Variants in MYZAP observed in about 807,000 individuals in gnomAD.
MYZAP encodes the protein myocardial zonula adherens protein.
MYZAP carries 66 observed loss-of-function variants against 69.4 expected under a neutral mutation model. That is an observed-to-expected ratio of 0.95 (90% CI 0.78 to 1.17). The LOEUF (loss-of-function observed/expected upper bound fraction) is 1.17, where lower values mean the gene tolerates loss of function less well. Among genes scored for constraint, MYZAP ranks in the 50% most tolerant of loss-of-function variants. MYZAP has a pLI of 0.00. For synonymous variants in MYZAP, 256 were observed against 205.9 expected, an observed-to-expected ratio of 1.24 and a Z score of -2.09; for missense variants, 611 against 556.2, an observed-to-expected ratio of 1.10 and a Z score of -0.99.
chr15:57,592,094 G>A lies in MYZAP; in HGVS notation c.60G>A (p.Gly20=). The change falls in exon 1 of 13, where the codon GGG becomes GGA. Residue 20 remains glycine, a synonymous_variant. Transcript: ENST00000267853. ...CGGGCGGCGCCGCCAGGACGCCCGG[G>A]GCGCCCAGCAGGAGGGTGAGTAGCG... is the stretch of plus-strand genomic sequence containing the variant. ...LLSGGAARTP[G]APSRRANVCR... The A allele has an allele frequency of 7.3e-7, 1 of 1,370,796 alleles. No homozygotes were observed. The highest frequency in any genetic ancestry group is 9.4e-7 in the Non-Finnish European group (1 of 1,066,850). The allele number at this position is 1,370,796 out of a possible 1,614,324, so 84.9% of individuals were successfully genotyped here. A position where few individuals can be genotyped will look rare whatever the true frequency, so the allele number is the denominator to read the frequency against.
At chr15:57,613,198 C>T (rs2035220975) in intron 2 of MYZAP, among the ~76,000 whole-genome samples, 1 of 152,180 alleles carries the variant, frequency 6.6e-6, no homozygotes, top group Non-Finnish European at 1.5e-5. Context: ...TCCCAAAGTG[C>T]TGGGATTACA....
intron 10 of MYZAP, chr15:57,647,712 T>A (rs2037513731): frequency 1.0e-6 from 1 of 985,398 alleles, no homozygotes; most frequent in African/African-American, 1.7e-5. Flanking sequence ...GCCTCCTAAG[T>A]GGATGCCCTC....
At chr15:57,617,889 G>A (rs1666600034) in intron 2 of MYZAP, 144 bp from the exon 3 acceptor site, 1 of 1,159,608 alleles carries the variant, frequency 8.6e-7, no homozygotes, top group Non-Finnish European at 1.2e-6. Context: ...AGACTAGATG[G>A]GATTTTTGCT....
chr15:57,600,586 A>G (rs2034346715), intron 1 of MYZAP, among the ~76,000 whole-genome samples: 1 of 152,096 alleles, frequency 6.6e-6, no homozygotes, highest in Non-Finnish European at 1.5e-5. Context: ...GAGTGATTGG[A>G]CCCATGGGAC....
chr15:57,617,551 C>G (rs78354284), intron 2 of MYZAP, among the ~76,000 whole-genome samples: 5,599 of 152,202 alleles, frequency 0.037, 155 homozygotes, highest in Non-Finnish European at 0.051. Flanking sequence ...AACACTACCC[C>G]CTTTTCTTAG....
intron 10 of MYZAP, among the ~76,000 whole-genome samples, chr15:57,657,380 C>G (rs1333193885): frequency 2.0e-5 from 3 of 152,114 alleles, no homozygotes; most frequent in African/African-American, 7.2e-5. Flanking sequence ...GGAACTATTT[C>G]TACAAAAATG....
chr15:57,592,010 G>A lies in MYZAP; in HGVS notation c.-25G>A, dbSNP rs12902754. The A allele has an allele frequency of 6.3e-6, 9 of 1,428,478 alleles. No individual in the cohort carries two copies. Among genetic ancestry groups the A allele is most frequent in the Non-Finnish European group, 8.2e-6 (9 of 1,094,696 alleles). 88.5% of individuals were successfully genotyped at this position (1,428,478 alleles called of 1,614,324 possible). ...TGCCCGGGAGGAACGCCGGCGTCCA[G>A]CCCGCTACCGACCGCCGCTGCGGGA... On this transcript the variant is annotated 5_prime_UTR_variant, in exon 1 of 13. Transcript: ENST00000267853.
At chr15:57,593,016 G>A (rs530732664) in intron 1 of MYZAP, among the ~76,000 whole-genome samples, 2 of 152,224 alleles carry the variant, frequency 1.3e-5, no homozygotes, top group African/African-American at 4.8e-5. Flanking sequence ...GTGCAGGCTT[G>A]GACCTGCTTA....
chr15:57,636,718 G>C (rs2036839037), intron 8 of MYZAP, among the ~76,000 whole-genome samples: 1 of 152,096 alleles, frequency 6.6e-6, no homozygotes, highest in Non-Finnish European at 1.5e-5. Flanking sequence ...ACATTTTTCA[G>C]CTTTGTCCAA....
rs368082220 is a variant in MYZAP at position 57,629,763 on chromosome 15, A to G, written c.587A>G (p.Gln196Arg). The part of the protein sequence containing the change: ...SNIKDQIRNL[Q>R]QTYEASMDKL... ...ATTAAGGATCAAATCAGAAATCTGC[A>G]GCAGACGTATGAAGCATCCATGGAC... Residue 196 changes from glutamine (Q) to arginine (R), a missense_variant, in exon 6 of 13, where the codon CAG (glutamine) becomes CGG (arginine). Transcript: ENST00000267853. 12 of 1,614,118 alleles carry G rather than the reference A, an allele frequency of 7.4e-6. No homozygotes were observed. Among genetic ancestry groups the G allele is most frequent in the Non-Finnish European group, 5.1e-6 (6 of 1,179,994 alleles).
intron 10 of MYZAP, among the ~76,000 whole-genome samples, chr15:57,658,193 T>C (rs1316093650): frequency 6.6e-6 from 1 of 152,162 alleles, no homozygotes; most frequent in Non-Finnish European, 1.5e-5. Flanking sequence ...ATAGCAAGAT[T>C]TGGCCATACT....
chr15:57,661,626 T>C (rs1303296121), intron 11 of MYZAP, 93 bp downstream of exon 11: 2 of 1,111,906 alleles, frequency 1.8e-6, no homozygotes, highest in Non-Finnish European at 2.5e-6. Flanking sequence ...AAAATATGGC[T>C]ATTTCCCGGC....
intron 1 of MYZAP, among the ~76,000 whole-genome samples, chr15:57,597,839 C>T (rs4774274): frequency 0.088 from 13,396 of 152,224 alleles, 710 homozygotes; most frequent in Admixed American, 0.13. Context: ...TACACTGTTC[C>T]GCATGCAGCC....
rs574690647 is a variant in MYZAP at position 57,602,190 on chromosome 15, C to T, written c.76-2079C>T. Among the ~76,000 whole-genome samples, 62 of 152,110 alleles carry T rather than the reference C, an allele frequency of 4.1e-4. 1 individual carries two copies. The highest frequency in any genetic ancestry group is 7.5e-4 in the African/African-American group (31 of 41,476). On this transcript the variant is annotated intron_variant, in intron 1 of 12. Transcript: ENST00000267853. ...TGTGAACCTGCCAACCAGACTGGGA[C>T]GGGGGTGGAGAGGATTTGTTTGCTA...
chr15:57,600,463 A>G (rs1047034682), intron 1 of MYZAP, among the ~76,000 whole-genome samples: 1 of 152,188 alleles, frequency 6.6e-6, no homozygotes, highest in Non-Finnish European at 1.5e-5. Context: ...GGTATTGCTC[A>G]GTGTGAGAGC....
chr15:57,646,264 C>T, intron 10 of MYZAP: 12 of 1,284,910 alleles, frequency 9.3e-6, no homozygotes, highest in Non-Finnish European at 1.2e-5. Flanking sequence ...TGTACACTCT[C>T]TGCTGGGAAG....
At chr15:57,651,377 C>T (rs766754804) in intron 10 of MYZAP, among the ~76,000 whole-genome samples, 5 of 152,164 alleles carry the variant, frequency 3.3e-5, no homozygotes, top group Non-Finnish European at 7.4e-5. Context: ...ATCTCCATTC[C>T]ATCTGCCTCC....
chr15:57,600,866 C>A (rs2034364673), intron 1 of MYZAP, among the ~76,000 whole-genome samples: 2 of 152,046 alleles, frequency 1.3e-5, no homozygotes, highest in South Asian at 4.2e-4. Context: ...ATTGCTTGAG[C>A]CCAGGTGTCT....
At chr15:57,593,884 G>A (rs2033883717) in intron 1 of MYZAP, among the ~76,000 whole-genome samples, 1 of 152,220 alleles carries the variant, frequency 6.6e-6, no homozygotes, top group Non-Finnish European at 1.5e-5. Context: ...TGGGGATTGT[G>A]TGTGTGGTGG....
Sources: gnomAD v4.1 joint callset for allele counts (sites outside exome capture counted in the v4.1 genomes callset) on GRCh38, gnomAD v4.1.1 for gene constraint, MANE v1.5 for transcripts, NCBI Gene and HGNC (gene_info 2026-07-23, HGNC 2026-07-21) for gene names.